BAZ1B: variants seen among roughly 807,000 people sequenced by gnomAD.
The protein encoded by BAZ1B is bromodomain adjacent to zinc finger domain 1B.
A neutral mutation model predicts 153.8 loss-of-function variants in BAZ1B; 22 were observed. That is an observed-to-expected ratio of 0.14 (90% confidence interval 0.10 to 0.20). The LOEUF (loss-of-function observed/expected upper bound fraction) is 0.20. Among genes scored for constraint, BAZ1B ranks in the 10% least tolerant of loss-of-function variants. The pLI is 1.00. For missense variants in BAZ1B, 1,325 were observed against 1,799.3 expected (o/e 0.74, Z 4.77); for synonymous variants, 676 against 633.4 (o/e 1.07, Z -1.01).
At position 73,442,452 on chromosome 7, in the gene BAZ1B, C is replaced by T. The variant is rs782235145; in HGVS notation, c.4196G>A (p.Arg1399His). ...VQNKCSCGSYRSVQEFLTDMK... is the reference protein window; with the variant it reads ...VQNKCSCGSYHSVQEFLTDMK... ...GTCAGTAAGAAACTCCTGCACAGAG[C>T]GGTAGCTCCCACAGGAACATTTGTT... Residue 1399 changes from arginine (R) to histidine (H), a missense_variant, in exon 19 of 20, where the codon CGC becomes CAC. Around this residue, in one of 9 missense-constraint regions of BAZ1B, gnomAD observed 271 missense variants for 337.2 expected, o/e 0.80. Transcript: ENST00000339594. 3.7e-6 allele frequency: 6 copies of T among 1,614,090 alleles called. No individual in the cohort carries two copies. The highest frequency in any genetic ancestry group is 3.3e-5 in the South Asian group (3 of 91,088).
chr7:73,448,969 A>T (rs1787934357), intron 15 of BAZ1B, among the ~76,000 whole-genome samples: 1 of 152,198 alleles, frequency 6.6e-6, no homozygotes, highest in Non-Finnish European at 1.5e-5. Context: ...GGAGTTGAGA[A>T]GCCACCAAAG....
At chr7:73,451,097 C>T in intron 13 of BAZ1B, 103 bp from the exon 14 acceptor site, 1 of 1,377,536 alleles carries the variant, frequency 7.3e-7, no homozygotes, top group Non-Finnish European at 9.8e-7. Context: ...GGACACTTGC[C>T]TCCTAGAACT....
At chr7:73,474,144 A>AT (rs1171263654) in intron 7 of BAZ1B, among the ~76,000 whole-genome samples, 3 of 152,158 alleles carry the variant, frequency 2.0e-5, no homozygotes, top group Non-Finnish European at 4.4e-5. Context: ...TCCTACAGTC[A>AT]TATGATTTTT....
chr7:73,450,339 AATG>A lies in BAZ1B; in HGVS notation c.3580+505_3580+507del, dbSNP rs575922392. On this transcript the variant is annotated intron_variant, in intron 14 of 19. Transcript: ENST00000339594. The surrounding 1 kb of genome is among the most constrained non-coding windows in gnomAD (Gnocchi z 4.1). ...GCGATTGAACGCTTTACAGCAACTGAATGATTTTACGTAGATCTTTTCATCTCT... is the reference window on the plus strand; with the variant it reads ...GCGATTGAACGCTTTACAGCAACTGAATTTTACGTAGATCTTTTCATCTCT... Among the ~76,000 whole-genome samples the A allele has an allele frequency of 7.9e-5, 12 of 152,350 alleles. No homozygotes were observed. In the South Asian group the frequency reaches 2.5e-3, roughly 32 times the overall value.
Position 73,442,483 on chromosome 7 carries a change from C to T in BAZ1B, c.4165G>A (p.Val1389Met), listed in dbSNP as rs1554565345. The T allele has an allele frequency of 3.1e-6, 5 of 1,614,080 alleles. No homozygotes were observed. The East Asian group carries it at 6.7e-5, about 22-fold the overall frequency. The change falls in exon 19 of 20, where the codon GTG becomes ATG. Residue 1389 changes from valine to methionine, a missense_variant. This residue lies in a region of BAZ1B where 271 missense variants were observed against 337.2 expected (regional missense o/e 0.80). Coordinates refer to ENST00000339594, the MANE Select transcript of BAZ1B (RefSeq NM_032408.4). Reference protein sequence around the residue: ...VITHPMDFQTVQNKCSCGSYR... With the variant: ...VITHPMDFQTMQNKCSCGSYR... ...CTCCCACAGGAACATTTGTTCTGCA[C>T]TGTCTGAAAGTCCATGGGGTGCGTG...
intron 13 of BAZ1B, among the ~76,000 whole-genome samples, chr7:73,452,246 G>C (rs1427798100): frequency 6.6e-6 from 1 of 152,086 alleles, no homozygotes; most frequent in Non-Finnish European, 1.5e-5. Flanking sequence ...AGGTTCATTC[G>C]CAAAGCATGT....
At chr7:73,517,751 A>G (rs1457670789) in intron 1 of BAZ1B, among the ~76,000 whole-genome samples, 2 of 152,244 alleles carry the variant, frequency 1.3e-5, no homozygotes, top group African/African-American at 4.8e-5. Context: ...TGTGTAAGCT[A>G]TAAAAGATAA....
At chr7:73,494,538 A>T (rs1789798166) in intron 4 of BAZ1B, among the ~76,000 whole-genome samples, 2 of 152,206 alleles carry the variant, frequency 1.3e-5, no homozygotes, top group Non-Finnish European at 2.9e-5. Context: ...TGAGCCCAGG[A>T]GTTTAAATCA....
Position 73,478,332 on chromosome 7 carries a change from T to C in BAZ1B, c.1129A>G (p.Lys377Glu), listed in dbSNP as rs782484623. The C allele has an allele frequency of 1.2e-6, 2 of 1,613,908 alleles. No homozygotes were observed. Among genetic ancestry groups the C allele is most frequent in the South Asian group, 2.2e-5 (2 of 91,014 alleles). ...GGAATGTGAAAGTTAGTGTGCAGCT[T>C]ATTGGGCGACATCATCTTCATCATT... ...EEMMKMMSPN[K>E]LHTNFHIPKK... Residue 377 changes from lysine (K) to glutamate (E), a missense_variant, in exon 7 of 20, where the codon AAG becomes GAG. Lys to Glu is a moderately conservative substitution (Grantham distance 56). Coordinates refer to ENST00000339594, the MANE Select transcript of BAZ1B (RefSeq NM_032408.4).
At chr7:73,488,537 G>C (rs1378686177) in intron 6 of BAZ1B, among the ~76,000 whole-genome samples, 6 of 151,912 alleles carry the variant, frequency 3.9e-5, no homozygotes, top group Non-Finnish European at 8.8e-5. Context: ...CTCAAGACTA[G>C]CCTGGCCAAC....
chr7:73,488,237 TA>T (rs1158215006), intron 6 of BAZ1B, among the ~76,000 whole-genome samples: 1 of 151,988 alleles, frequency 6.6e-6, no homozygotes, highest in African/African-American at 2.4e-5. Flanking sequence ...AAACCTACAT[TA>T]AAAAACCACT....
intron 3 of BAZ1B, among the ~76,000 whole-genome samples, chr7:73,499,955 T>C (rs555817173): frequency 6.6e-6 from 1 of 152,326 alleles, no homozygotes; most frequent in South Asian, 2.1e-4. Flanking sequence ...TTGCTTTTTC[T>C]GCCCAAAATG....
At chr7:73,486,713 TC>T (rs1319455959) in intron 6 of BAZ1B, among the ~76,000 whole-genome samples, 2 of 152,200 alleles carry the variant, frequency 1.3e-5, no homozygotes, top group Admixed American at 6.5e-5. Context: ...AACATTACAT[TC>T]TACAAAAACC....
chr7:73,491,602 A>AAAAAG (rs544234712), intron 5 of BAZ1B, among the ~76,000 whole-genome samples: 1 of 152,104 alleles, frequency 6.6e-6, no homozygotes, highest in Non-Finnish European at 1.5e-5. Context: ...TCCATCTCAA[A>AAAAAG]AAAAGAAAAG....
intron 13 of BAZ1B, among the ~76,000 whole-genome samples, chr7:73,458,083 T>C (rs1788266773): frequency 6.6e-6 from 1 of 152,146 alleles, no homozygotes; most frequent in Non-Finnish European, 1.5e-5. Flanking sequence ...GAATCCTCAA[T>C]GTATAGATGG....
intron 16 of BAZ1B, among the ~76,000 whole-genome samples, chr7:73,446,904 G>T (rs781871745): frequency 1.3e-5 from 2 of 152,252 alleles, no homozygotes; most frequent in Non-Finnish European, 2.9e-5. Flanking sequence ...ACAGCCAAAA[G>T]AACTGTCAGG....
At chr7:73,469,730 CAG>C (rs1788725479) in intron 8 of BAZ1B, 80 bp from the exon 9 acceptor site, 1 of 1,517,090 alleles carries the variant, frequency 6.6e-7, no homozygotes, top group African/African-American at 1.4e-5. Flanking sequence ...GAAGATAATA[CAG>C]AGTATCACTG....
chr7:73,470,312 T>C, intron 8 of BAZ1B, 33 bp downstream of exon 8: 1 of 1,588,902 alleles, frequency 6.3e-7, no homozygotes, highest in Non-Finnish European at 8.6e-7. Context: ...TAAATAGTCC[T>C]AAAGAAAACA....
chr7:73,500,218 TG>T (rs1790070199), intron 3 of BAZ1B, among the ~76,000 whole-genome samples: 1 of 152,212 alleles, frequency 6.6e-6, no homozygotes, highest in Non-Finnish European at 1.5e-5. Flanking sequence ...AACTAAAAAC[TG>T]CTCTTCAAAA....
Sources: allele counts gnomAD v4.1 joint callset (sites outside exome capture counted in the v4.1 genomes callset), GRCh38; gene constraint gnomAD v4.1.1; regional missense constraint gnomAD v4.1.1; non-coding constraint Gnocchi (gnomAD v3.1); transcripts MANE v1.5; gene names NCBI Gene and HGNC (gene_info 2026-07-23, HGNC 2026-07-21).